RAB28: variants seen among roughly 807,000 people sequenced by gnomAD.
The protein encoded by RAB28 is ras-related protein Rab-28.
In RAB28, 24 loss-of-function variants were observed where a neutral mutation model predicts 31.7. The ratio of observed to expected loss-of-function variants is 0.76; its 90% CI spans 0.55 to 1.06. The LOEUF (loss-of-function observed/expected upper bound fraction) is 1.06, where lower values mean the gene tolerates loss of function less well. Ranked by LOEUF, RAB28 falls within the 50% of genes least tolerant of loss-of-function variation. The pLI, the probability that RAB28 is intolerant of heterozygous loss-of-function variation, is 0.00. For synonymous variants in RAB28, 100 were observed against 90.4 expected, an observed-to-expected ratio of 1.11 and a Z score of -0.60; for missense variants, 254 against 258.5, an observed-to-expected ratio of 0.98 and a Z score of 0.12.
At chr4:13,384,725 C>T (rs1326816048) in intron 4 of RAB28, among the ~76,000 whole-genome samples, 1 of 152,136 alleles carries the variant, frequency 6.6e-6, no homozygotes. Flanking sequence ...AGATCAGCAA[C>T]ATCAAAGACC....
chr4:13,453,777 C>A (rs1447549322), intron 4 of RAB28, among the ~76,000 whole-genome samples: 2 of 152,130 alleles, frequency 1.3e-5, no homozygotes, highest in Non-Finnish European at 2.9e-5. Flanking sequence ...TGACTTTTGA[C>A]AATTTGGCTA....
chr4:13,403,549 A>G (rs1711902513), intron 4 of RAB28, among the ~76,000 whole-genome samples: 1 of 152,008 alleles, frequency 6.6e-6, no homozygotes, highest in South Asian at 2.1e-4. Flanking sequence ...TCGTTCTTTT[A>G]TTTCTTCTTA....
intron 4 of RAB28, among the ~76,000 whole-genome samples, chr4:13,440,948 T>C (rs938217519): frequency 2.0e-5 from 3 of 151,490 alleles, no homozygotes; most frequent in Admixed American, 2.0e-4. Flanking sequence ...CAATTAGGAA[T>C]GTGGAATAAG....
chr4:13,383,510 T>G lies in RAB28; in HGVS notation c.392-1916A>C, dbSNP rs1019803055. On this transcript the variant is annotated intron_variant, in intron 4 of 6. Transcript: ENST00000330852. Reference sequence around the variant, plus strand: ...AAGAACTTATTCAACAAACATTTATTGAGCATCTATTATATGCCAGGTATT... The same window carrying G: ...AAGAACTTATTCAACAAACATTTATGGAGCATCTATTATATGCCAGGTATT... Among the ~76,000 whole-genome samples the G allele has an allele frequency of 5.3e-5, 8 of 152,316 alleles. No homozygotes were observed. In the East Asian group the frequency reaches 1.5e-3, roughly 29 times the overall value.
chr4:13,443,942 C>T (rs957786805), intron 4 of RAB28, among the ~76,000 whole-genome samples: 2 of 151,838 alleles, frequency 1.3e-5, no homozygotes, highest in Admixed American at 1.3e-4. Flanking sequence ...CAGTGCTTGT[C>T]GTTCTGTGCC....
At chr4:13,378,687 T>C (rs1298862114) in intron 5 of RAB28, among the ~76,000 whole-genome samples, 3 of 152,062 alleles carry the variant, frequency 2.0e-5, no homozygotes, top group African/African-American at 7.2e-5. Flanking sequence ...ATGGGACTAG[T>C]ACACAATGGA....
intron 4 of RAB28, among the ~76,000 whole-genome samples, chr4:13,391,415 G>C (rs996069610): frequency 1.3e-5 from 2 of 152,192 alleles, no homozygotes; most frequent in African/African-American, 4.8e-5. Flanking sequence ...ACAGATGCTG[G>C]AGACAATGTG....
chr4:13,411,471 A>G (rs559196255), intron 4 of RAB28, among the ~76,000 whole-genome samples: 51 of 152,302 alleles, frequency 3.3e-4, no homozygotes, highest in Admixed American at 2.2e-3. Flanking sequence ...ACAATCTGAC[A>G]AGAAAAATTA....
chr4:13,398,494 G>A, intron 4 of RAB28, among the ~76,000 whole-genome samples: 1 of 152,124 alleles, frequency 6.6e-6, no homozygotes, highest in East Asian at 1.9e-4. Context: ...CAGTAAGACT[G>A]TCGGCCGGGC....
intron 4 of RAB28, among the ~76,000 whole-genome samples, chr4:13,427,818 C>T (rs1713592683): frequency 6.6e-6 from 1 of 152,040 alleles, no homozygotes; most frequent in Non-Finnish European, 1.5e-5. Context: ...TGGAATGGGG[C>T]TAAAGTAACC....
At chr4:13,388,294 G>T (rs1729471063) in intron 4 of RAB28, among the ~76,000 whole-genome samples, 1 of 152,060 alleles carries the variant, frequency 6.6e-6, no homozygotes, top group African/African-American at 2.4e-5. Flanking sequence ...AACAAATTAT[G>T]TTGAGAAAAC....
intron 4 of RAB28, among the ~76,000 whole-genome samples, chr4:13,396,526 T>C (rs1577171761): frequency 1.3e-5 from 2 of 152,132 alleles, no homozygotes; most frequent in East Asian, 1.9e-4. Context: ...AATAAAAAAT[T>C]AGCAGAACTT....
At chr4:13,434,776 T>C (rs1713998481) in intron 4 of RAB28, among the ~76,000 whole-genome samples, 1 of 152,116 alleles carries the variant, frequency 6.6e-6, no homozygotes, top group Admixed American at 6.5e-5. Flanking sequence ...CCCAGCACTT[T>C]GCGAGGCCAA....
At chr4:13,446,622 A>G (rs1267741111) in intron 4 of RAB28, among the ~76,000 whole-genome samples, 2 of 152,122 alleles carry the variant, frequency 1.3e-5, no homozygotes, top group East Asian at 3.9e-4. Context: ...GGCTCCGTGC[A>G]CTTCCCACGT....
intron 4 of RAB28, among the ~76,000 whole-genome samples, chr4:13,415,886 G>A (rs908204484): frequency 9.9e-5 from 15 of 152,194 alleles, no homozygotes; most frequent in Non-Finnish European, 1.8e-4. Flanking sequence ...GTCTAGCTAG[G>A]GGATTGTAAA....
intron 4 of RAB28, among the ~76,000 whole-genome samples, chr4:13,387,453 T>C (rs1729423383): frequency 6.6e-6 from 1 of 152,068 alleles, no homozygotes; most frequent in East Asian, 1.9e-4. Context: ...AGAAATGTTA[T>C]TTCTGTTGCC....
intron 6 of RAB28, among the ~76,000 whole-genome samples, chr4:13,372,804 G>A (rs1361667591): frequency 6.6e-6 from 1 of 151,888 alleles, no homozygotes; most frequent in African/African-American, 2.4e-5. Context: ...AGGTTAAATG[G>A]GTACTTGTAC....
Position 13,422,864 on chromosome 4 carries a change from G to A in RAB28, c.391+37835C>T, listed in dbSNP as rs191701958. Among the ~76,000 whole-genome samples, 54 of 150,910 alleles carry A rather than the reference G, an allele frequency of 3.6e-4. No individual in the cohort carries two copies. The East Asian group carries it at 0.01, about 29-fold the overall frequency. On this transcript the variant is annotated intron_variant, in intron 4 of 6. Coordinates refer to ENST00000330852, the MANE Select transcript of RAB28 (RefSeq NM_001017979.3). ...GTACACCTATAAAACAAACCTGCAT[G>A]TTGTGCACATGTACCCTAGAACTTA...
intron 4 of RAB28, among the ~76,000 whole-genome samples, chr4:13,453,035 CT>C (rs1196698908): frequency 1.3e-5 from 2 of 152,008 alleles, no homozygotes; most frequent in Non-Finnish European, 2.9e-5. Context: ...CCTCCTTTGT[CT>C]CTTTGTACAG....
Sources: gnomAD v4.1 joint callset for allele counts (sites outside exome capture counted in the v4.1 genomes callset) on GRCh38, gnomAD v4.1.1 for gene constraint, MANE v1.5 for transcripts, NCBI Gene and HGNC (gene_info 2026-07-23, HGNC 2026-07-21) for gene names.